Variants in KIAA1217 observed in about 807,000 individuals in gnomAD.
KIAA1217 encodes the protein KIAA1217.
A neutral mutation model predicts 163.9 loss-of-function variants in KIAA1217; 88 were observed. That is an observed-to-expected ratio of 0.54 (90% CI 0.45 to 0.64). The LOEUF (loss-of-function observed/expected upper bound fraction) is 0.64. Among genes scored for constraint, KIAA1217 ranks in the 30% least tolerant of loss-of-function variants. KIAA1217 has a pLI of 0.00. For missense variants in KIAA1217, 2,372 were observed against 2,475.0 expected (o/e 0.96, Z 0.88); for synonymous variants, 903 against 923.1 (o/e 0.98, Z 0.39).
chr10:23,804,378 C>T (rs1836636193), intron 1 of KIAA1217, among the ~76,000 whole-genome samples: 1 of 152,140 alleles, frequency 6.6e-6, no homozygotes, highest in South Asian at 2.1e-4. Context: ...TGATAGGAAG[C>T]TGGGTGACAG....
chr10:24,343,175 A>G (rs78997581), intron 2 of KIAA1217, among the ~76,000 whole-genome samples: 4,229 of 152,272 alleles, frequency 0.028, 174 homozygotes, highest in East Asian at 0.15. Context: ...TAACTTTCTA[A>G]AGGTAGAATT....
chr10:23,866,972 T>A (rs1330199887), intron 1 of KIAA1217, among the ~76,000 whole-genome samples: 7 of 150,372 alleles, frequency 4.7e-5, no homozygotes, highest in African/African-American at 1.7e-4. Flanking sequence ...TAGCATTAGG[T>A]ATATCTCCTA....
At chr10:24,402,076 C>T (rs12769032) in intron 3 of KIAA1217, among the ~76,000 whole-genome samples, 1,753 of 152,264 alleles carry the variant, frequency 0.012, 22 homozygotes, top group Admixed American at 0.025. Context: ...AGACTATTTT[C>T]ATAGATAGGA....
intron 2 of KIAA1217, among the ~76,000 whole-genome samples, chr10:24,045,119 T>A (rs530227296): frequency 7.2e-4 from 110 of 152,298 alleles, no homozygotes; most frequent in Middle Eastern, 6.8e-3. Flanking sequence ...AGGCATAGAT[T>A]TTTAGACCAA....
chr10:23,901,394 A>G (rs1004670184), intron 1 of KIAA1217, among the ~76,000 whole-genome samples: 2 of 152,150 alleles, frequency 1.3e-5, no homozygotes, highest in African/African-American at 4.8e-5. Flanking sequence ...AAGTTTGACA[A>G]ATCTTAGACA....
chr10:23,837,825 G>A (rs761432800), intron 1 of KIAA1217, among the ~76,000 whole-genome samples: 4 of 152,100 alleles, frequency 2.6e-5, no homozygotes, highest in Non-Finnish European at 4.4e-5. Flanking sequence ...GCAGGCATAA[G>A]CCACCACATA....
At chr10:24,308,537 C>T in intron 2 of KIAA1217, among the ~76,000 whole-genome samples, 1 of 152,300 alleles carries the variant, frequency 6.6e-6, no homozygotes, top group African/African-American at 2.4e-5. Flanking sequence ...GAAGGCAGGC[C>T]ATCAGCCTTC....
intron 8 of KIAA1217, among the ~76,000 whole-genome samples, chr10:24,500,267 CGTGTGTGTGT>C (rs995468879): frequency 1.1e-5 from 1 of 90,942 alleles, no homozygotes; most frequent in Non-Finnish European, 2.2e-5. Flanking sequence ...AGTGTGTGTG[CGTGTGTGTGT>C]GTGTCTTTAT....
intron 2 of KIAA1217, among the ~76,000 whole-genome samples, chr10:24,169,758 AGCTCCTCTCCCAGTC>A (rs1482492163): frequency 3.3e-5 from 5 of 152,148 alleles, no homozygotes; most frequent in Non-Finnish European, 7.3e-5. Flanking sequence ...GACAAAGATG[AGCTCCTCTCCCAGTC>A]TGGGTCATCA....
chr10:23,862,040 A>G (rs868591842), intron 1 of KIAA1217, among the ~76,000 whole-genome samples: 10 of 152,206 alleles, frequency 6.6e-5, no homozygotes, highest in Admixed American at 6.5e-5. Flanking sequence ...ACTGGTCAAT[A>G]TTGTGAAGAT....
chr10:24,538,724 T>G (rs909385350), intron 17 of KIAA1217, among the ~76,000 whole-genome samples: 4 of 135,808 alleles, frequency 2.9e-5, no homozygotes, highest in African/African-American at 1.2e-4. Flanking sequence ...TGATTTTTAT[T>G]GTTTTTGGTT....
chr10:24,005,964 A>G (rs142334847), intron 1 of KIAA1217, among the ~76,000 whole-genome samples: 88 of 152,270 alleles, frequency 5.8e-4, no homozygotes, highest in African/African-American at 2.0e-3. Flanking sequence ...TTGTTGGTAA[A>G]GAAACAGCCC....
chr10:24,448,954 A>C (rs2061181620), intron 5 of KIAA1217, among the ~76,000 whole-genome samples: 1 of 152,234 alleles, frequency 6.6e-6, no homozygotes, highest in Non-Finnish European at 1.5e-5. Flanking sequence ...AATTTTTCAC[A>C]TAAGTTCAGG....
At chr10:23,838,279 C>G (rs971520203) in intron 1 of KIAA1217, among the ~76,000 whole-genome samples, 4 of 152,058 alleles carry the variant, frequency 2.6e-5, no homozygotes, top group Non-Finnish European at 4.4e-5. Flanking sequence ...CATCAGGTTG[C>G]CTTTAAGTAC....
chr10:24,494,841 G>A (rs188981153), intron 7 of KIAA1217: 6 of 575,632 alleles, frequency 1.0e-5, no homozygotes, highest in Non-Finnish European at 1.8e-5. Context: ...AGGTAAATGG[G>A]CTTCCCAGTG....
chr10:24,356,297 G>A lies in KIAA1217; in HGVS notation c.355-24572G>A, dbSNP rs565037606. ...CATGGTTTAGTTGCCCCAGTACAAA[G>A]CCTGATGCTGGGTTAAGTAATTTAT... On this transcript the variant is annotated intron_variant, in intron 2 of 20. Coordinates refer to ENST00000376454, the MANE Select transcript of KIAA1217 (RefSeq NM_019590.5). 8.6e-4 allele frequency among the ~76,000 whole-genome samples: 131 copies of A among 152,304 alleles called. 1 individual carries two copies. Among genetic ancestry groups the A allele is most frequent in the African/African-American group, 3.0e-3 (124 of 41,560 alleles).
intron 5 of KIAA1217, among the ~76,000 whole-genome samples, chr10:24,441,971 G>A (rs937620774): frequency 6.6e-6 from 1 of 152,228 alleles, no homozygotes; most frequent in South Asian, 2.1e-4. Context: ...TTCATAGTGT[G>A]GGGGCTTCTC....
At chr10:23,885,966 C>T (rs1455259116) in intron 1 of KIAA1217, among the ~76,000 whole-genome samples, 1 of 151,768 alleles carries the variant, frequency 6.6e-6, no homozygotes, top group Non-Finnish European at 1.5e-5. Flanking sequence ...CCAAAGATGC[C>T]CAAGTGAAAG....
At chr10:24,375,020 A>C (rs1432021403) in intron 2 of KIAA1217, among the ~76,000 whole-genome samples, 1 of 152,134 alleles carries the variant, frequency 6.6e-6, no homozygotes, top group Non-Finnish European at 1.5e-5. Context: ...TCCTGGGCTC[A>C]AGCAATCCAC....
Sources: allele counts gnomAD v4.1 joint callset (sites outside exome capture counted in the v4.1 genomes callset), GRCh38; gene constraint gnomAD v4.1.1; transcripts MANE v1.5; gene names NCBI Gene and HGNC (gene_info 2026-07-23, HGNC 2026-07-21).